Variants in HS6ST1 observed in about 807,000 individuals in gnomAD.
HS6ST1 encodes heparan-sulfate 6-O-sulfotransferase 1.
A neutral mutation model predicts 25.2 loss-of-function variants in HS6ST1; 3 were observed. The ratio of observed to expected loss-of-function variants is 0.12; its 90% confidence interval spans 0.05 to 0.31. The LOEUF is 0.31. Ranked by LOEUF, HS6ST1 falls within the 10% of genes least tolerant of loss-of-function variation. The pLI is 1.00. For synonymous variants in HS6ST1, 204 were observed against 275.1 expected, an observed-to-expected ratio of 0.74 and a Z score of 2.56; for missense variants, 310 against 609.6, an observed-to-expected ratio of 0.51 and a Z score of 5.18.
Position 128,282,827 on chromosome 2 carries a change from C to T in HS6ST1, c.528-13957G>A, listed in dbSNP as rs77374017. The stretch of plus-strand genomic sequence containing the variant: ...AGAGGGCCCAGCCTGGAAGCCTGAG[C>T]GTGCCCAGGGCGCACAGCCCAGCCC... On this transcript the variant is annotated intron_variant, in intron 1 of 1. Coordinates refer to ENST00000259241, the MANE Select transcript of HS6ST1 (RefSeq NM_004807.3). 1.2e-4 allele frequency among the ~76,000 whole-genome samples: 19 copies of T among 152,322 alleles called. No individual in the cohort carries two copies. In the East Asian group the frequency reaches 3.3e-3, roughly 26 times the overall value.
intron 1 of HS6ST1, among the ~76,000 whole-genome samples, chr2:128,310,090 G>C (rs1227422899): frequency 6.6e-6 from 1 of 152,202 alleles, no homozygotes; most frequent in South Asian, 2.1e-4. Flanking sequence ...CAAGGTAGGA[G>C]GGGCTGCCCA....
intron 1 of HS6ST1, among the ~76,000 whole-genome samples, chr2:128,271,347 G>A (rs77498754): frequency 0.016 from 2,481 of 152,286 alleles, 63 homozygotes; most frequent in African/African-American, 0.05. Flanking sequence ...CCTAGCCAGC[G>A]CTGGGCCTAA....
At chr2:128,280,803 A>T (rs1016080980) in intron 1 of HS6ST1, among the ~76,000 whole-genome samples, 6 of 152,108 alleles carry the variant, frequency 3.9e-5, no homozygotes, top group African/African-American at 1.4e-4. Flanking sequence ...GGCAGTCCTC[A>T]CCCATGTGCT....
At position 128,266,089 on chromosome 2, in the gene HS6ST1, A is replaced by G. The variant is rs1229815120; in HGVS notation, c.*2073T>C. 1 of 151,432 alleles carries G rather than the reference A, an allele frequency of 6.6e-6. No homozygotes were observed. The highest frequency in any genetic ancestry group is 1.5e-5 in the Non-Finnish European group (1 of 67,838). The allele number at this position is 151,432 out of a possible 1,614,324, so 9.4% of individuals were successfully genotyped here. On this transcript the variant is annotated 3_prime_UTR_variant, in exon 2 of 2. Transcript: ENST00000259241. ...CGGGGCATAAGTTAACACATATTCC[A>G]ATATGTACAAAACAACCTGCGCTCA...
intron 1 of HS6ST1, among the ~76,000 whole-genome samples, chr2:128,287,484 G>A (rs2104921985): frequency 6.6e-6 from 1 of 152,326 alleles, no homozygotes; most frequent in Non-Finnish European, 1.5e-5. Context: ...TGAGGCTTAG[G>A]ACTGCCTCCA....
chr2:128,276,370 A>AGGTGATT (rs1693694273), intron 1 of HS6ST1, among the ~76,000 whole-genome samples: 1 of 152,170 alleles, frequency 6.6e-6, no homozygotes, highest in African/African-American at 2.4e-5. Context: ...TCCTGACCTC[A>AGGTGATT]GGTGATTAGC....
intron 1 of HS6ST1, among the ~76,000 whole-genome samples, chr2:128,304,144 CA>C (rs1416205590): frequency 6.6e-6 from 1 of 152,236 alleles, no homozygotes; most frequent in Admixed American, 6.5e-5. Context: ...TTGCAGATGG[CA>C]GATCTCGGGT....
rs367990833 is a variant in HS6ST1 at position 128,302,168 on chromosome 2, C to T, written c.527+15869G>A. On this transcript the variant is annotated intron_variant, in intron 1 of 1. Transcript: ENST00000259241. ...CCAGGTGCTGTGCTCCAAGCTGGCG[C>T]TGCTGCCTCAGGGAGTCTGAGAGGT... is the stretch of plus-strand genomic sequence containing the variant. Among the ~76,000 whole-genome samples the T allele has an allele frequency of 3.9e-5, 6 of 152,324 alleles. No homozygotes were observed. The East Asian group carries it at 7.7e-4, about 20-fold the overall frequency.
chr2:128,290,817 C>CAAAAAAAAAAAAAAAAAAAAAAAA (rs57754041), intron 1 of HS6ST1, among the ~76,000 whole-genome samples: 1 of 60,548 alleles, frequency 1.7e-5, no homozygotes, highest in African/African-American at 7.1e-5. Context: ...ACTAAAAATA[C>CAAAAAAAAAAAAAAAAAAAAAAAA]AAAAAAAAAA....
At position 128,318,621 on chromosome 2, in the gene HS6ST1, C is replaced by G. The variant is rs868027759; in HGVS notation, c.-58G>C. 2,185 of 797,656 alleles carry G rather than the reference C, an allele frequency of 2.7e-3. 39 individuals carry two copies. In the African/African-American group the frequency reaches 0.036, roughly 13 times the overall value. The allele number at this position is 797,656 out of a possible 1,614,324, so 49.4% of individuals were successfully genotyped here. A position where few individuals can be genotyped will look rare whatever the true frequency, so the allele number is the denominator to read the frequency against. ...GCGGGGCCTGGGAGGGCAGGAGGCG[C>G]GGGCGCAGCTGCCTCCGCCGCCGCC... On this transcript the variant is annotated 5_prime_UTR_variant, in exon 1 of 2. Transcript: ENST00000259241. This position sits in a 1 kb window ranked among gnomAD's most constrained non-coding sequence, Gnocchi z 5.7.
In HS6ST1 at chr2:128,265,560, CCAT is replaced by C. The variant is rs1408135359; in HGVS notation, c.*2599_*2601del. The C allele has an allele frequency of 2.6e-5, 4 of 152,228 alleles. No homozygotes were observed. The highest frequency in any genetic ancestry group is 4.4e-5 in the Non-Finnish European group (3 of 68,042). The allele number at this position is 152,228 out of a possible 1,614,324, so 9.4% of individuals were successfully genotyped here. A position where few individuals can be genotyped will look rare whatever the true frequency, so the allele number is the denominator to read the frequency against. Reference sequence around the variant, plus strand: ...AATTAGATGATTATGACTTGCTTTTCCATCATCAACTCATTTTTTTGTATGAAT... The same window carrying C: ...AATTAGATGATTATGACTTGCTTTTCCATCAACTCATTTTTTTGTATGAAT... On this transcript the variant is annotated 3_prime_UTR_variant, in exon 2 of 2. Coordinates refer to ENST00000259241, the MANE Select transcript of HS6ST1 (RefSeq NM_004807.3).
intron 1 of HS6ST1, among the ~76,000 whole-genome samples, chr2:128,277,380 C>T (rs888750563): frequency 5.3e-5 from 8 of 152,216 alleles, no homozygotes. Context: ...ACTCAGGGCT[C>T]CCAGCGTTCA....
chr2:128,293,335 A>G (rs1375347), intron 1 of HS6ST1, among the ~76,000 whole-genome samples: 54,074 of 152,192 alleles, frequency 0.36, 10,652 homozygotes, highest in East Asian at 0.77. Context: ...AAGGCCTGGG[A>G]ATGGCTAAGG....
chr2:128,303,322 C>A (rs1694160523), intron 1 of HS6ST1, among the ~76,000 whole-genome samples: 1 of 152,234 alleles, frequency 6.6e-6, no homozygotes. Flanking sequence ...GAGCTGGGAG[C>A]AGGCTGACCC....
At chr2:128,294,151 TTC>T (rs961805819) in intron 1 of HS6ST1, among the ~76,000 whole-genome samples, 6 of 152,330 alleles carry the variant, frequency 3.9e-5, no homozygotes, top group Non-Finnish European at 7.4e-5. Context: ...ACATCACAGC[TTC>T]TGAGCCTGGA....
At position 128,267,800 on chromosome 2, in the gene HS6ST1, C is replaced by T. The variant is rs1184375192; in HGVS notation, c.*362G>A. On this transcript the variant is annotated 3_prime_UTR_variant, in exon 2 of 2. Transcript: ENST00000259241. The stretch of plus-strand genomic sequence containing the variant: ...GCATAGTTGGTGAGGGACACACTCC[C>T]GGCCTGGCAGGTCCACTTTCCGCTG... 33 of 371,430 alleles carry T rather than the reference C, an allele frequency of 8.9e-5. No individual in the cohort carries two copies. The highest frequency in any genetic ancestry group is 2.8e-4 in the East Asian group (5 of 17,914). 23.0% of individuals were successfully genotyped at this position (371,430 alleles called of 1,614,324 possible). A position where few individuals can be genotyped will look rare whatever the true frequency, so the allele number is the denominator to read the frequency against.
intron 1 of HS6ST1, among the ~76,000 whole-genome samples, chr2:128,281,198 T>A (rs1353736712): frequency 6.6e-6 from 1 of 152,234 alleles, no homozygotes; most frequent in Non-Finnish European, 1.5e-5. Context: ...ACTGGCCAGC[T>A]GGTGCCTGCT....
chr2:128,304,801 C>G (rs1302223345), intron 1 of HS6ST1, among the ~76,000 whole-genome samples: 1 of 152,220 alleles, frequency 6.6e-6, no homozygotes, highest in Non-Finnish European at 1.5e-5. Context: ...AGAGGACCCA[C>G]CCTGGAGCAC....
rs1694413729 is a variant in HS6ST1 at position 128,318,612 on chromosome 2, C to T, written c.-49G>A. The T allele has an allele frequency of 3.1e-6, 3 of 963,810 alleles. No individual in the cohort carries two copies. The highest frequency in any genetic ancestry group is 4.0e-6 in the Non-Finnish European group (3 of 753,282). The allele number at this position is 963,810 out of a possible 1,614,324, so 59.7% of individuals were successfully genotyped here. The stretch of plus-strand genomic sequence containing the variant: ...GCGCGGGGCGCGGGGCCTGGGAGGG[C>T]AGGAGGCGCGGGCGCAGCTGCCTCC... On this transcript the variant is annotated 5_prime_UTR_variant, in exon 1 of 2. Transcript: ENST00000259241. This position sits in a 1 kb window ranked among gnomAD's most constrained non-coding sequence, Gnocchi z 5.7.
Sources: allele counts gnomAD v4.1 joint callset (sites outside exome capture counted in the v4.1 genomes callset), GRCh38; gene constraint gnomAD v4.1.1; non-coding constraint Gnocchi (gnomAD v3.1); transcripts MANE v1.5; gene names NCBI Gene and HGNC (gene_info 2026-07-23, HGNC 2026-07-21).